PDE7B: variants seen among roughly 807,000 people sequenced by gnomAD.
PDE7B encodes the protein 3',5'-cyclic-AMP phosphodiesterase 7B.
PDE7B carries 29 observed loss-of-function variants against 56.2 expected under a neutral mutation model. The ratio of observed to expected loss-of-function variants is 0.52; its 90% CI spans 0.38 to 0.70. The LOEUF is 0.70. Among genes scored for constraint, PDE7B ranks in the 30% least tolerant of loss-of-function variants. PDE7B has a pLI of 0.00. For synonymous variants in PDE7B, 197 were observed against 196.9 expected (o/e 1.00, Z 0.00); for missense variants, 490 against 565.0 (o/e 0.87, Z 1.35).
chr6:135,874,795 C>T (rs569475468), intron 1 of PDE7B, among the ~76,000 whole-genome samples: 171 of 152,240 alleles, frequency 1.1e-3, no homozygotes, highest in African/African-American at 3.7e-3. Context: ...AGTCTATTCC[C>T]TTACTTATTT....
chr6:136,025,578 G>A (rs905258216), intron 2 of PDE7B, among the ~76,000 whole-genome samples: 3 of 152,132 alleles, frequency 2.0e-5, no homozygotes, highest in Admixed American at 1.3e-4. Flanking sequence ...GATATTACAC[G>A]GGAACCTAGC....
At chr6:135,904,014 A>G (rs1776052715) in intron 1 of PDE7B, among the ~76,000 whole-genome samples, 1 of 152,210 alleles carries the variant, frequency 6.6e-6, no homozygotes, top group Admixed American at 6.5e-5. Context: ...TTTCCTAAAA[A>G]ATATTACCAA....
chr6:136,045,903 G>C (rs1332292548), intron 2 of PDE7B, among the ~76,000 whole-genome samples: 1 of 147,176 alleles, frequency 6.8e-6, no homozygotes, highest in Non-Finnish European at 1.5e-5. Context: ...GCAATAATTA[G>C]AATTTTAATG....
At chr6:136,148,057 G>T (rs780040976) in intron 4 of PDE7B, among the ~76,000 whole-genome samples, 1 of 152,142 alleles carries the variant, frequency 6.6e-6, no homozygotes, top group Non-Finnish European at 1.5e-5. Context: ...TCTGAAAAAA[G>T]TGTTCAGGTT....
chr6:136,017,771 C>T (rs1271577854), intron 2 of PDE7B, among the ~76,000 whole-genome samples: 1 of 152,118 alleles, frequency 6.6e-6, no homozygotes, highest in Non-Finnish European at 1.5e-5. Context: ...ATCATTCAAG[C>T]ATCTCTAATT....
At chr6:136,113,650 T>TA (rs1777784876) in intron 3 of PDE7B, among the ~76,000 whole-genome samples, 1 of 152,230 alleles carries the variant, frequency 6.6e-6, no homozygotes, top group Non-Finnish European at 1.5e-5. Context: ...GACGGAAAAG[T>TA]AACGGCTGTA....
At chr6:136,150,119 T>G (rs1027395103) in intron 5 of PDE7B, among the ~76,000 whole-genome samples, 1 of 152,186 alleles carries the variant, frequency 6.6e-6, no homozygotes, top group African/African-American at 2.4e-5. Context: ...TGACAGAGAT[T>G]TTCTTTAACT....
In PDE7B at chr6:136,169,015, G is replaced by A. The variant is rs148954053; in HGVS notation, c.712-4782G>A. 7.7e-4 allele frequency among the ~76,000 whole-genome samples: 117 copies of A among 152,258 alleles called. 1 individual carries two copies. The highest frequency in any genetic ancestry group is 2.6e-3 in the African/African-American group (110 of 41,548). ...AAATTCTTGGGAGGCAGCAAGGGCT[G>A]TATGCAGAGCTTAGGTTTGAGTCTG... On this transcript the variant is annotated intron_variant, in intron 8 of 12. Transcript: ENST00000308191.
chr6:135,932,957 A>G (rs761225216), intron 1 of PDE7B, among the ~76,000 whole-genome samples: 5 of 152,202 alleles, frequency 3.3e-5, no homozygotes, highest in Admixed American at 2.6e-4. Context: ...TATTAGTCAT[A>G]GATGGCATGG....
chr6:135,890,259 C>G (rs1775787177), intron 1 of PDE7B, among the ~76,000 whole-genome samples: 1 of 152,090 alleles, frequency 6.6e-6, no homozygotes, highest in Admixed American at 6.6e-5. Flanking sequence ...GGTGGACAAG[C>G]GAAGAATTTC....
intron 1 of PDE7B, among the ~76,000 whole-genome samples, chr6:135,886,001 A>C (rs917733694): frequency 3.3e-5 from 5 of 152,130 alleles, no homozygotes; most frequent in African/African-American, 1.2e-4. Flanking sequence ...TTTGAGCAAA[A>C]CGTACAACTT....
intron 2 of PDE7B, among the ~76,000 whole-genome samples, chr6:135,961,281 ATG>A (rs771473679): frequency 0.22 from 19,416 of 89,020 alleles, 1,243 homozygotes; most frequent in East Asian, 0.37. Flanking sequence ...GTGTGTGTGT[ATG>A]TGTGTGTGTG....
chr6:135,903,218 C>T (rs1306929191), intron 1 of PDE7B, among the ~76,000 whole-genome samples: 1 of 152,150 alleles, frequency 6.6e-6, no homozygotes, highest in Non-Finnish European at 1.5e-5. Flanking sequence ...CTGTACTCAA[C>T]ACCTCACATC....
intron 1 of PDE7B, among the ~76,000 whole-genome samples, chr6:135,913,215 T>TA (rs930079423): frequency 6.6e-6 from 1 of 152,104 alleles, no homozygotes; most frequent in African/African-American, 2.4e-5. Context: ...AGTCCAGATA[T>TA]AAAAAAATTA....
chr6:136,163,738 C>G (rs768267630), intron 8 of PDE7B, among the ~76,000 whole-genome samples: 5 of 152,220 alleles, frequency 3.3e-5, no homozygotes, highest in African/African-American at 4.8e-5. Context: ...TAAATCATCT[C>G]TCTCAAGTTC....
chr6:135,988,417 C>G (rs1775419384), intron 2 of PDE7B, among the ~76,000 whole-genome samples: 1 of 152,022 alleles, frequency 6.6e-6, no homozygotes, highest in South Asian at 2.1e-4. Flanking sequence ...CAGAGACATT[C>G]TAATGGAAAT....
At chr6:135,998,806 A>AT (rs1554272589) in intron 2 of PDE7B, among the ~76,000 whole-genome samples, 1 of 151,970 alleles carries the variant, frequency 6.6e-6, no homozygotes, top group Non-Finnish European at 1.5e-5. Context: ...CCTTAAAGTG[A>AT]TACTTAGACA....
At position 135,889,440 on chromosome 6, in the gene PDE7B, ATT is replaced by A. The variant is rs11440304; in HGVS notation, c.21+37442_21+37443del. Among the ~76,000 whole-genome samples, 246 of 103,314 alleles carry A rather than the reference ATT, an allele frequency of 2.4e-3. 1 individual carries two copies. Among genetic ancestry groups the A allele is most frequent in the African/African-American group, 8.0e-3 (190 of 23,682 alleles). 67.8% of individuals were successfully genotyped at this position (103,314 alleles called of 152,430 possible). A position where few individuals can be genotyped will look rare whatever the true frequency, so the allele number is the denominator to read the frequency against. On this transcript the variant is annotated intron_variant, in intron 1 of 12. Transcript: ENST00000308191. The stretch of plus-strand genomic sequence containing the variant: ...CCACCGCACCCGAATGGTGCTACCA[ATT>A]TTTTTTTTTTTTTTTTTTTTGAGAT...
At chr6:135,859,841 T>C (rs1775112542) in intron 1 of PDE7B, among the ~76,000 whole-genome samples, 1 of 151,914 alleles carries the variant, frequency 6.6e-6, no homozygotes, top group African/African-American at 2.4e-5. Flanking sequence ...ATCAAATACA[T>C]CTATTGGATT....
Sources: allele counts gnomAD v4.1 joint callset (sites outside exome capture counted in the v4.1 genomes callset), GRCh38; gene constraint gnomAD v4.1.1; transcripts MANE v1.5; gene names NCBI Gene and HGNC (gene_info 2026-07-23, HGNC 2026-07-21).